The following KNSTRN variants were observed in gnomAD, a reference collection of about 807,000 sequenced individuals.
KNSTRN encodes the protein kinetochore localized astrin (SPAG5) binding protein, also known as small kinetochore-associated protein.
In KNSTRN, 38 loss-of-function variants were observed where a neutral mutation model predicts 44.7. The observed-to-expected ratio is 0.85, with a 90% CI of 0.66 to 1.11. The LOEUF is 1.11. Among genes scored for constraint, KNSTRN ranks in the 50% most tolerant of loss-of-function variants. The probability of loss-of-function intolerance (pLI) is 0.00; values close to 1 mark genes in which losing one functional copy is unlikely to be tolerated. For synonymous variants in KNSTRN, 158 were observed against 148.1 expected, an observed-to-expected ratio of 1.07 and a Z score of -0.48; for missense variants, 406 against 375.8, an observed-to-expected ratio of 1.08 and a Z score of -0.66.
intron 4 of KNSTRN, 45 bp downstream of exon 4, chr15:40,387,251 G>A (rs1157507424): frequency 2.1e-6 from 3 of 1,416,966 alleles, no homozygotes; most frequent in East Asian, 2.3e-5. Context: ...CTAGGGTAGT[G>A]GATCTCAATC....
Position 40,386,358 on chromosome 15 carries a change from G to C in KNSTRN, c.305-4G>C, listed in dbSNP as rs1250812816. ...GAAGCTTTACCTCTCATTTTCCTTT[G>C]CAGACACACAAACTCGGGCCACTTC... On this transcript the variant is annotated splice_polypyrimidine_tract_variant and splice_region_variant and intron_variant, in intron 2 of 8. Coordinates refer to ENST00000249776, the MANE Select transcript of KNSTRN (RefSeq NM_033286.4). 6.2e-7 allele frequency: 1 copy of C among 1,612,946 alleles called. No individual in the cohort carries two copies. Among genetic ancestry groups the C allele is most frequent in the Non-Finnish European group, 8.5e-7 (1 of 1,179,398 alleles).
chr15:40,392,472 T>C (rs1170576803), intron 8 of KNSTRN, among the ~76,000 whole-genome samples: 3 of 152,178 alleles, frequency 2.0e-5, no homozygotes, highest in Admixed American at 6.5e-5. Flanking sequence ...AAGGATTACT[T>C]GAAGCCAGGA....
intron 3 of KNSTRN, 169 bp downstream of exon 3, chr15:40,386,663 T>G (rs1889907953): frequency 1.6e-6 from 1 of 644,652 alleles, no homozygotes; most frequent in Non-Finnish European, 2.6e-6. Context: ...ACCCTCTGTG[T>G]TGATCTTTCT....
rs747793951 is a variant in KNSTRN, at chr15:40,382,816, G to C, written c.-20G>C. ...TTCGCTAGGTCTGGCTCTGGCCTCTGAGCGAACCTTCCGTACAGTATGGCG... is the reference window on the plus strand; with the variant it reads ...TTCGCTAGGTCTGGCTCTGGCCTCTCAGCGAACCTTCCGTACAGTATGGCG... On this transcript the variant is annotated 5_prime_UTR_variant, in exon 1 of 9. Transcript: ENST00000249776. 23 of 1,605,876 alleles carry C rather than the reference G, an allele frequency of 1.4e-5. No homozygotes were observed. Among genetic ancestry groups the C allele is most frequent in the Non-Finnish European group, 1.7e-5 (20 of 1,176,826 alleles).
In KNSTRN at chr15:40,393,988, A is replaced by G. The variant is rs1171202112; in HGVS notation, c.*391A>G. The G allele has an allele frequency of 1.2e-5, 2 of 168,476 alleles. No individual in the cohort carries two copies. The highest frequency in any genetic ancestry group is 2.5e-5 in the Non-Finnish European group (2 of 78,480). The allele number at this position is 168,476 out of a possible 1,614,324, so 10.4% of individuals were successfully genotyped here. A position where few individuals can be genotyped will look rare whatever the true frequency, so the allele number is the denominator to read the frequency against. ...AAATCTTCATTACAGTGGAGCACAA[A>G]TGTTCCATACAAGACATCATTGAGG... On this transcript the variant is annotated 3_prime_UTR_variant, in exon 9 of 9. Transcript: ENST00000249776.
At chr15:40,386,268 A>G in intron 2 of KNSTRN, 94 bp from the exon 3 acceptor site, 2 of 1,283,798 alleles carry the variant, frequency 1.6e-6, no homozygotes, top group Non-Finnish European at 2.2e-6. Flanking sequence ...TAAAATAAAG[A>G]TTTATGACAA....
chr15:40,389,958 T>C (rs1889970820), intron 6 of KNSTRN, 29 bp downstream of exon 6: 1 of 1,572,242 alleles, frequency 6.4e-7, no homozygotes. Flanking sequence ...CTAGCCTCCT[T>C]TGAAGGAATT....
chr15:40,384,282 G>A (rs995361971), intron 2 of KNSTRN: 11 of 304,350 alleles, frequency 3.6e-5, no homozygotes, highest in Admixed American at 1.3e-4. Context: ...GCTGAGGCAG[G>A]AGAATGGCGT....
rs1290148290 is a variant in KNSTRN at position 40,391,572 on chromosome 15, A to C, written c.747+18A>C. The C allele has an allele frequency of 1.9e-6, 3 of 1,602,150 alleles. No homozygotes were observed. The African/African-American group carries it at 4.0e-5, about 21-fold the overall frequency. ...ACTCTATGGTGAGGGCATGGGTGTG[A>C]AAGGGCGCAAGGGCTGAGTGACTGT... On this transcript the variant is annotated intron_variant, in intron 7 of 8. Coordinates refer to ENST00000249776, the MANE Select transcript of KNSTRN (RefSeq NM_033286.4).
At chr15:40,392,912 GA>G (rs1447304519) in intron 8 of KNSTRN, among the ~76,000 whole-genome samples, 2 of 151,956 alleles carry the variant, frequency 1.3e-5, no homozygotes, top group African/African-American at 4.8e-5. Context: ...CACCCGGCAG[GA>G]AAAAAATTTT....
At position 40,382,859 on chromosome 15, in the gene KNSTRN, C is replaced by G. The variant is rs750790305; in HGVS notation, c.24C>G (p.Pro8=). The G allele has an allele frequency of 6.2e-7, 1 of 1,611,960 alleles. No homozygotes were observed. Residue 8 remains proline, a synonymous_variant, in exon 1 of 9, where the codon CCC becomes CCG. Coordinates refer to ENST00000249776, the MANE Select transcript of KNSTRN (RefSeq NM_033286.4). ...GTATGGCGGCTCCCGAAGCCCCGCC[C>G]CTGGACAGAGTTTTCCGTACAACAT... The part of the protein sequence containing the change: MAAPEAP[P]LDRVFRTTWL...
intron 4 of KNSTRN, 25 bp downstream of exon 4, chr15:40,387,231 G>A: frequency 6.3e-7 from 1 of 1,583,760 alleles, no homozygotes; most frequent in Non-Finnish European, 8.7e-7. Flanking sequence ...AAATCAACTT[G>A]GCCACTATTC....
At chr15:40,383,806 G>C (rs534250784) in intron 2 of KNSTRN, among the ~76,000 whole-genome samples, 1 of 152,316 alleles carries the variant, frequency 6.6e-6, no homozygotes, top group Non-Finnish European at 1.5e-5. Flanking sequence ...GGAGAGAGGG[G>C]TTAGACCTAG....
At chr15:40,386,245 T>A (rs1889899159) in intron 2 of KNSTRN, 117 bp from the exon 3 acceptor site, 2 of 1,124,358 alleles carry the variant, frequency 1.8e-6, no homozygotes, top group Non-Finnish European at 2.5e-6. Flanking sequence ...AAATAATACT[T>A]TTTAAAATAA....
At chr15:40,390,317 T>C (rs1410282206) in intron 6 of KNSTRN, among the ~76,000 whole-genome samples, 1 of 152,350 alleles carries the variant, frequency 6.6e-6, no homozygotes, top group African/African-American at 2.4e-5. Flanking sequence ...GCTCTTCCTT[T>C]CAAGCATACT....
At chr15:40,389,731 A>T in intron 5 of KNSTRN, 105 bp from the exon 6 acceptor site, 1 of 1,372,546 alleles carries the variant, frequency 7.3e-7, no homozygotes, top group Non-Finnish European at 1.0e-6. Context: ...GGCAGAAAAA[A>T]AAAGCCAGGC....
intron 4 of KNSTRN, chr15:40,389,212 A>G (rs1312116061): frequency 4.2e-6 from 2 of 475,136 alleles, no homozygotes; most frequent in Non-Finnish European, 8.3e-6. Context: ...GCAATGGCGC[A>G]ATCTCAGCTC....
In KNSTRN at chr15:40,386,451, G is replaced by A; in HGVS notation, c.394G>A (p.Glu132Lys). The A allele has an allele frequency of 6.2e-7, 1 of 1,614,152 alleles. No individual in the cohort carries two copies. Among genetic ancestry groups the A allele is most frequent in the Non-Finnish European group, 8.5e-7 (1 of 1,180,002 alleles). Residue 132 changes from glutamate (E) to lysine (K), a missense_variant, in exon 3 of 9, where the codon GAG becomes AAG. By Grantham distance (56) the Glu-to-Lys change is moderately conservative. Transcript: ENST00000249776. ...CAAACAGCTTCATTCAGGAGGTCCA[G>A]AGAATGATGTTACAAAAATCACCAA... Reference protein sequence around the residue: ...VSKQLHSGGPENDVTKITKLR... With the variant: ...VSKQLHSGGPKNDVTKITKLR...
chr15:40,390,405 AC>A (rs1889978788), intron 6 of KNSTRN, among the ~76,000 whole-genome samples: 1 of 152,212 alleles, frequency 6.6e-6, no homozygotes, highest in African/African-American at 2.4e-5. Flanking sequence ...AATTACAGTG[AC>A]TAAAATATGA....
Sources: gnomAD v4.1 joint callset for allele counts (sites outside exome capture counted in the v4.1 genomes callset) on GRCh38, gnomAD v4.1.1 for gene constraint, MANE v1.5 for transcripts, NCBI Gene and HGNC (gene_info 2026-07-23, HGNC 2026-07-21) for gene names.